JMJD1C: variants seen among roughly 807,000 people sequenced by gnomAD.
JMJD1C encodes jumonji domain-containing protein 1C.
Under a neutral mutation model 245.3 loss-of-function variants are expected in JMJD1C, and 31 were observed. That is an observed-to-expected ratio of 0.13 (90% CI 0.09 to 0.17). The LOEUF (loss-of-function observed/expected upper bound fraction) is 0.17, where lower values mean the gene tolerates loss of function less well. Ranked by LOEUF, JMJD1C falls within the 10% of genes least tolerant of loss-of-function variation. JMJD1C has a pLI of 1.00. For synonymous variants in JMJD1C, 1,057 were observed against 1,017.4 expected, an observed-to-expected ratio of 1.04 and a Z score of -0.74; for missense variants, 2,691 against 3,000.2, an observed-to-expected ratio of 0.90 and a Z score of 2.41.
Position 63,213,580 on chromosome 10 carries a change from T to A in JMJD1C, c.2587A>T (p.Ile863Phe), listed in dbSNP as rs780403752. Residue 863 changes from isoleucine (I) to phenylalanine (F), a missense_variant, in exon 8 of 26, where the codon ATT becomes TTT. By Grantham distance (21) the Ile-to-Phe change is conservative. Coordinates refer to ENST00000399262, the MANE Select transcript of JMJD1C (RefSeq NM_032776.3). Reference sequence around the variant, plus strand: ...TGTGTTCCATTTGGATACTGCCAAATAATTGGATAAAGTCCAAGCTGATTA... The same window carrying A: ...TGTGTTCCATTTGGATACTGCCAAAAAATTGGATAAAGTCCAAGCTGATTA... ...SYNQLGLYPI[I>F]WQYPNGTHAY... The A allele has an allele frequency of 3.1e-6, 5 of 1,614,018 alleles. No individual in the cohort carries two copies. The South Asian group carries it at 5.5e-5, about 18-fold the overall frequency.
At chr10:63,259,771 A>G (rs1219671168) in intron 3 of JMJD1C, among the ~76,000 whole-genome samples, 3 of 152,240 alleles carry the variant, frequency 2.0e-5, no homozygotes, top group Non-Finnish European at 4.4e-5. Flanking sequence ...ATTCCCTTCA[A>G]CCAGCAATTC....
intron 1 of JMJD1C, among the ~76,000 whole-genome samples, chr10:63,489,139 C>T (rs1466417356): frequency 2.6e-5 from 4 of 152,206 alleles, no homozygotes; most frequent in Non-Finnish European, 5.9e-5. Flanking sequence ...GTGGCTCACG[C>T]CTGTAATCCC....
intron 3 of JMJD1C, among the ~76,000 whole-genome samples, chr10:63,220,694 TTCTCTC>T (rs371157211): frequency 1.3e-5 from 2 of 150,894 alleles, no homozygotes; most frequent in African/African-American, 4.9e-5. Flanking sequence ...TGATATTCTG[TTCTCTC>T]TCTCTCTCTC....
At chr10:63,324,083 A>G (rs931917363) in intron 2 of JMJD1C, among the ~76,000 whole-genome samples, 25 of 151,164 alleles carry the variant, frequency 1.7e-4, no homozygotes, top group Admixed American at 1.6e-3. Context: ...AGGATGGACA[A>G]TATCTGCCCA....
At chr10:63,423,749 C>T (rs2132765527) in intron 1 of JMJD1C, among the ~76,000 whole-genome samples, 1 of 152,312 alleles carries the variant, frequency 6.6e-6, no homozygotes, top group East Asian at 1.9e-4. Flanking sequence ...AACCATTTTA[C>T]GTTCCCATCA....
chr10:63,482,974 T>TA (rs1250946821), intron 1 of JMJD1C, among the ~76,000 whole-genome samples: 7 of 152,246 alleles, frequency 4.6e-5, no homozygotes, highest in Non-Finnish European at 1.0e-4. Context: ...AATTACTATG[T>TA]ATGGTTAATC....
intron 2 of JMJD1C, among the ~76,000 whole-genome samples, chr10:63,317,134 T>G (rs1332458829): frequency 1.3e-5 from 2 of 152,146 alleles, no homozygotes; most frequent in Non-Finnish European, 2.9e-5. Context: ...GTGCTGGGAT[T>G]ACAGGCATGA....
chr10:63,303,313 T>A (rs902405583), intron 2 of JMJD1C, among the ~76,000 whole-genome samples: 4 of 152,182 alleles, frequency 2.6e-5, no homozygotes, highest in African/African-American at 9.7e-5. Flanking sequence ...TTTGTTGATG[T>A]TGTTGTTGTT....
Position 63,188,939 on chromosome 10 carries a change from CATAAA to C in JMJD1C, c.6570+224_6570+228del, listed in dbSNP as rs571786213. 1.1e-3 allele frequency among the ~76,000 whole-genome samples: 172 copies of C among 152,238 alleles called. 1 individual carries two copies. The highest frequency in any genetic ancestry group is 2.1e-3 in the Non-Finnish European group (146 of 67,986). ...TCTGTTCTGATAGATCAAAAAGTAA[CATAAA>C]ATAATCAACGTTTCCCTATTAATTC... is the stretch of plus-strand genomic sequence containing the variant. On this transcript the variant is annotated intron_variant, in intron 18 of 25. Coordinates refer to ENST00000399262, the MANE Select transcript of JMJD1C (RefSeq NM_032776.3).
chr10:63,518,781 A>C (rs1955108624), intron 1 of JMJD1C, among the ~76,000 whole-genome samples: 1 of 152,244 alleles, frequency 6.6e-6, no homozygotes, highest in Admixed American at 6.5e-5. Flanking sequence ...AACAAATGCA[A>C]GTTGTTAGCT....
At chr10:63,264,007 C>CACAG (rs1198176935) in intron 3 of JMJD1C, among the ~76,000 whole-genome samples, 2 of 136,716 alleles carry the variant, frequency 1.5e-5, no homozygotes, top group Non-Finnish European at 3.1e-5. Context: ...CACACACACA[C>CACAG]AATTCTGTGA....
chr10:63,463,203 C>T (rs1365853597), intron 1 of JMJD1C, among the ~76,000 whole-genome samples: 1 of 152,058 alleles, frequency 6.6e-6, no homozygotes, highest in East Asian at 1.9e-4. Flanking sequence ...CTCACTCTGT[C>T]GCCCAGGCTA....
intron 1 of JMJD1C, chr10:63,382,883 CCCAACTTCAACT>C: frequency 2.2e-6 from 1 of 455,684 alleles, no homozygotes; most frequent in Non-Finnish European, 4.4e-6. Flanking sequence ...GTTTACATCC[CCCAACTTCAACT>C]CCAACTTAGC....
At chr10:63,287,514 T>C (rs756847603) in intron 2 of JMJD1C, among the ~76,000 whole-genome samples, 1 of 152,140 alleles carries the variant, frequency 6.6e-6, no homozygotes, top group Non-Finnish European at 1.5e-5. Flanking sequence ...GTGATACGGA[T>C]AGTGAAGGTC....
intron 2 of JMJD1C, among the ~76,000 whole-genome samples, chr10:63,320,781 C>T (rs1022227290): frequency 7.2e-5 from 11 of 151,956 alleles, no homozygotes; most frequent in Admixed American, 1.3e-4. Flanking sequence ...TTCCTGACAC[C>T]GAGCTCCTAA....
intron 2 of JMJD1C, among the ~76,000 whole-genome samples, chr10:63,295,224 A>G (rs1160024734): frequency 1.3e-5 from 2 of 151,134 alleles, no homozygotes; most frequent in Non-Finnish European, 2.9e-5. Context: ...CTCCCTGAGT[A>G]TCTCAGAACA....
chr10:63,248,529 G>GATAGATAGATAAATAA (rs566828473), intron 3 of JMJD1C, among the ~76,000 whole-genome samples: 23,949 of 136,562 alleles, frequency 0.18, 2,398 homozygotes, highest in East Asian at 0.32. Flanking sequence ...TCAATAGATA[G>GATAGATAGATAAATAA]ATAAATAAAT....
In JMJD1C at chr10:63,513,104, T is replaced by C. The variant is rs1020561600; in HGVS notation, n.113+8634A>G. On this transcript the variant is annotated intron_variant and non_coding_transcript_variant, in intron 1 of 3. Transcript: ENST00000633035. ...TGTCTACTTTTTCCTTTAAAGCCTT[T>C]TGCATGTTAATCCTATATTTTTTTT... Among the ~76,000 whole-genome samples, 5 of 152,208 alleles carry C rather than the reference T, an allele frequency of 3.3e-5. No homozygotes were observed. The South Asian group carries it at 6.2e-4, about 19-fold the overall frequency.
intron 2 of JMJD1C, among the ~76,000 whole-genome samples, chr10:63,307,657 A>G (rs1938462095): frequency 6.6e-6 from 1 of 152,188 alleles, no homozygotes; most frequent in Admixed American, 6.6e-5. Flanking sequence ...CTAAGGAAGT[A>G]GAGGGCTAAA....
Sources: allele counts gnomAD v4.1 joint callset (sites outside exome capture counted in the v4.1 genomes callset), GRCh38; gene constraint gnomAD v4.1.1; transcripts MANE v1.5; gene names NCBI Gene and HGNC (gene_info 2026-07-23, HGNC 2026-07-21).